The following GALNT2 variants were observed in gnomAD, a reference collection of about 807,000 sequenced individuals.
GALNT2 encodes the protein UDP-GalNAc:polypeptide N-acetylgalactosaminyltransferase 2.
In GALNT2, 31 loss-of-function variants were observed where a neutral mutation model predicts 81.4. The observed-to-expected ratio is 0.38, with a 90% confidence interval of 0.29 to 0.51. The LOEUF is 0.51. GALNT2 is among the 20% of genes least tolerant of loss of function. The probability of loss-of-function intolerance (pLI) is 0.87; values close to 1 mark genes in which losing one functional copy is unlikely to be tolerated. For missense variants in GALNT2, 629 were observed against 765.7 expected, an observed-to-expected ratio of 0.82 and a Z score of 2.11; for synonymous variants, 303 against 287.4, an observed-to-expected ratio of 1.05 and a Z score of -0.55.
At chr1:230,213,795 G>A (rs2102716031) in intron 3 of GALNT2, among the ~76,000 whole-genome samples, 1 of 152,240 alleles carries the variant, frequency 6.6e-6, no homozygotes, top group South Asian at 2.1e-4. Context: ...TAATGTAAAT[G>A]AATAATTTTA....
intron 3 of GALNT2, among the ~76,000 whole-genome samples, chr1:230,224,645 C>T (rs756909338): frequency 7.9e-5 from 12 of 152,198 alleles, no homozygotes; most frequent in Non-Finnish European, 1.8e-4. Context: ...AGAATACTCA[C>T]GTATTCTGGG....
intron 1 of GALNT2, among the ~76,000 whole-genome samples, chr1:230,154,928 T>G (rs1662200726): frequency 6.6e-6 from 1 of 152,190 alleles, no homozygotes; most frequent in Admixed American, 6.5e-5. Context: ...AACTTGTGGT[T>G]TTATCATTTG....
chr1:230,247,392 C>G (rs76601979), intron 8 of GALNT2, among the ~76,000 whole-genome samples: 1 of 152,202 alleles, frequency 6.6e-6, no homozygotes, highest in Non-Finnish European at 1.5e-5. Context: ...TCAGCTTCCC[C>G]CTCTGGGAAA....
chr1:230,258,905 C>T (rs1171251517), intron 11 of GALNT2: 1 of 152,188 alleles, frequency 6.6e-6, no homozygotes, highest in African/African-American at 2.4e-5. Context: ...GTACTCAAGA[C>T]ATTGCACTCT....
intron 1 of GALNT2, among the ~76,000 whole-genome samples, chr1:230,133,668 T>C (rs984011335): frequency 6.6e-6 from 1 of 152,212 alleles, no homozygotes; most frequent in Non-Finnish European, 1.5e-5. Context: ...TTGGCCAGGC[T>C]GGTCTCGAAC....
chr1:230,116,447 C>G (rs1352954972), intron 1 of GALNT2, among the ~76,000 whole-genome samples: 1 of 152,196 alleles, frequency 6.6e-6, no homozygotes, highest in African/African-American at 2.4e-5. Context: ...GCAGGATGGT[C>G]TCGATCTCCT....
chr1:230,227,258 G>T (rs184161139), intron 3 of GALNT2, among the ~76,000 whole-genome samples: 77 of 152,058 alleles, frequency 5.1e-4, no homozygotes, highest in African/African-American at 1.7e-3. Flanking sequence ...GCTCAAATGG[G>T]TTTGCGTAAA....
intron 15 of GALNT2, among the ~76,000 whole-genome samples, chr1:230,278,107 T>C (rs1260339098): frequency 2.0e-5 from 3 of 149,896 alleles, no homozygotes; most frequent in African/African-American, 7.3e-5. Flanking sequence ...TTTCTGTTTT[T>C]CTTTCTTTTT....
chr1:230,153,460 G>A (rs1158983490), intron 1 of GALNT2, among the ~76,000 whole-genome samples: 1 of 152,160 alleles, frequency 6.6e-6, no homozygotes, highest in East Asian at 1.9e-4. Context: ...TTTAATCACA[G>A]TAAGCACATT....
chr1:230,136,883 G>A (rs1661566087), intron 1 of GALNT2, among the ~76,000 whole-genome samples: 1 of 152,200 alleles, frequency 6.6e-6, no homozygotes, highest in African/African-American at 2.4e-5. Flanking sequence ...GGCCGTCTGT[G>A]CATTTTGCTT....
rs553448102 is a variant in GALNT2 at position 230,265,459 on chromosome 1, C to T, written c.1440+92C>T. 2.6e-5 allele frequency: 41 copies of T among 1,555,242 alleles called. No individual in the cohort carries two copies. The East Asian group carries it at 8.5e-4, about 32-fold the overall frequency. On this transcript the variant is annotated intron_variant, in intron 14 of 15. Coordinates refer to ENST00000366672, the MANE Select transcript of GALNT2 (RefSeq NM_004481.5). ...GTTAGAAGTCCCAGCTGCCACCTTT[C>T]TCCTGGGATGGGTGATGTCTATGAG...
In GALNT2 at chr1:230,279,729, T is replaced by C. The variant is rs1456490961; in HGVS notation, c.*271T>C. The C allele has an allele frequency of 1.9e-6, 1 of 533,684 alleles. No homozygotes were observed. The highest frequency in any genetic ancestry group is 3.5e-6 in the Non-Finnish European group (1 of 283,974). The allele number at this position is 533,684 out of a possible 1,614,324, so 33.1% of individuals were successfully genotyped here. A position where few individuals can be genotyped will look rare whatever the true frequency, so the allele number is the denominator to read the frequency against. On this transcript the variant is annotated 3_prime_UTR_variant, in exon 16 of 16. Transcript: ENST00000366672. This position sits in a 1 kb window ranked among gnomAD's most constrained non-coding sequence, Gnocchi z 4.6. Reference sequence around the variant, plus strand: ...GCCCCTCTTCCTTCCAGCTTTCACTTCTGCCGGCTCCGCAACTGAGTGACA... The same window carrying C: ...GCCCCTCTTCCTTCCAGCTTTCACTCCTGCCGGCTCCGCAACTGAGTGACA...
intron 3 of GALNT2, among the ~76,000 whole-genome samples, chr1:230,211,795 C>T (rs1664241866): frequency 6.6e-6 from 1 of 152,090 alleles, no homozygotes; most frequent in Non-Finnish European, 1.5e-5. Flanking sequence ...ATTTTATTTA[C>T]TCTGCATCAC....
intron 1 of GALNT2, among the ~76,000 whole-genome samples, chr1:230,067,790 A>G (rs978133567): frequency 6.6e-6 from 1 of 152,194 alleles, no homozygotes. Context: ...CCGCTTTTCC[A>G]ACGCGTCATG....
intron 1 of GALNT2, among the ~76,000 whole-genome samples, chr1:230,079,481 C>T (rs1374991216): frequency 6.6e-6 from 1 of 152,238 alleles, no homozygotes; most frequent in African/African-American, 2.4e-5. Flanking sequence ...ACTAGAATTT[C>T]AGTGTTCCTC....
chr1:230,184,993 T>C (rs575339284), intron 2 of GALNT2, among the ~76,000 whole-genome samples: 5 of 152,232 alleles, frequency 3.3e-5, no homozygotes, highest in Non-Finnish European at 5.9e-5. Flanking sequence ...TAGAGATTTT[T>C]TTCCTCAGCA....
At chr1:230,195,987 C>T (rs1377510823) in intron 2 of GALNT2, among the ~76,000 whole-genome samples, 1 of 152,190 alleles carries the variant, frequency 6.6e-6, no homozygotes, top group African/African-American at 2.4e-5. Flanking sequence ...GGTCGTCAGC[C>T]TCCTCACTTT....
At chr1:230,096,525 A>G (rs908217897) in intron 1 of GALNT2, among the ~76,000 whole-genome samples, 8 of 151,942 alleles carry the variant, frequency 5.3e-5, no homozygotes, top group African/African-American at 1.7e-4. Context: ...CTGTCCCACC[A>G]GGATTTCTTT....
intron 1 of GALNT2, among the ~76,000 whole-genome samples, chr1:230,080,122 C>A (rs1659682053): frequency 6.6e-6 from 1 of 152,174 alleles, no homozygotes; most frequent in African/African-American, 2.4e-5. Flanking sequence ...CCCTAACTGG[C>A]AGTGGAGAGT....
Sources: allele counts gnomAD v4.1 joint callset (sites outside exome capture counted in the v4.1 genomes callset), GRCh38; gene constraint gnomAD v4.1.1; non-coding constraint Gnocchi (gnomAD v3.1); transcripts MANE v1.5; gene names NCBI Gene and HGNC (gene_info 2026-07-23, HGNC 2026-07-21).